CAMTA1: variants seen among roughly 807,000 people sequenced by gnomAD.
CAMTA1 encodes the protein calmodulin binding transcription activator 1, also known as calmodulin-binding transcription activator 1.
CAMTA1 carries 27 observed loss-of-function variants against 170.9 expected under a neutral mutation model. The observed-to-expected ratio is 0.16, with a 90% CI of 0.12 to 0.22. CAMTA1 has a LOEUF of 0.22. Among genes scored for constraint, CAMTA1 ranks in the 10% least tolerant of loss-of-function variants. CAMTA1 has a pLI of 1.00. For missense variants in CAMTA1, 1,619 were observed against 2,217.2 expected, an observed-to-expected ratio of 0.73 and a Z score of 5.42; for synonymous variants, 833 against 891.5, an observed-to-expected ratio of 0.93 and a Z score of 1.17.
At chr1:7,728,598 T>A (rs1434399249) in intron 11 of CAMTA1, among the ~76,000 whole-genome samples, 1 of 152,224 alleles carries the variant, frequency 6.6e-6, no homozygotes, top group Non-Finnish European at 1.5e-5. Context: ...TCAAGTCATT[T>A]CAATGGGATG....
At chr1:7,013,039 TC>T (rs1374269116) in intron 3 of CAMTA1, among the ~76,000 whole-genome samples, 1 of 136,770 alleles carries the variant, frequency 7.3e-6, no homozygotes, top group East Asian at 2.2e-4. Context: ...CATCCCTGAG[TC>T]CCCTCTCTCG....
intron 4 of CAMTA1, among the ~76,000 whole-genome samples, chr1:7,205,545 A>G (rs1177189414): frequency 6.6e-6 from 1 of 152,078 alleles, no homozygotes; most frequent in Middle Eastern, 3.2e-3. Flanking sequence ...ATTTTTATGA[A>G]ATGTCCTTCT....
intron 5 of CAMTA1, among the ~76,000 whole-genome samples, chr1:7,361,715 A>C (rs1243487091): frequency 1.3e-5 from 2 of 152,250 alleles, no homozygotes; most frequent in Non-Finnish European, 2.9e-5. Flanking sequence ...TTTCTTATGC[A>C]AGAGAGGACT....
chr1:7,718,188 GCAGTGGGCGTTCCGTAAACA>G (rs1407287663), intron 11 of CAMTA1, among the ~76,000 whole-genome samples: 60 of 148,808 alleles, frequency 4.0e-4, no homozygotes, highest in Admixed American at 8.0e-4. Context: ...GTCTTAGCCA[GCAGTGGGCGTTCCGTAAACA>G]CAGTGGGCGT....
intron 4 of CAMTA1, among the ~76,000 whole-genome samples, chr1:7,131,778 G>A (rs75628460): frequency 0.017 from 2,563 of 152,104 alleles, 70 homozygotes; most frequent in African/African-American, 0.054. Flanking sequence ...ATTTTGGGCC[G>A]GGCTTGGTGG....
chr1:7,420,671 G>T (rs61616835), intron 5 of CAMTA1, among the ~76,000 whole-genome samples: 1 of 152,078 alleles, frequency 6.6e-6, no homozygotes, highest in Admixed American at 6.6e-5. Flanking sequence ...AAATCCATGC[G>T]TATAACCTCC....
At chr1:7,553,790 G>A (rs7417202) in intron 6 of CAMTA1, among the ~76,000 whole-genome samples, 94,658 of 151,730 alleles carry the variant, frequency 0.62, 30,003 homozygotes, top group South Asian at 0.73. Flanking sequence ...AAAGAGAAGG[G>A]AGGTCGTGCT....
At chr1:7,689,576 CA>C (rs1291808231) in intron 11 of CAMTA1, among the ~76,000 whole-genome samples, 4 of 144,360 alleles carry the variant, frequency 2.8e-5, no homozygotes, top group South Asian at 2.2e-4. Flanking sequence ...GAGACCATCT[CA>C]AAAAAAAAAG....
intron 4 of CAMTA1, among the ~76,000 whole-genome samples, chr1:7,143,532 G>A (rs185710598): frequency 5.3e-5 from 8 of 152,126 alleles, no homozygotes; most frequent in South Asian, 2.1e-4. Flanking sequence ...TTATTCTTTC[G>A]GGCAGTGCAG....
At chr1:7,105,847 G>A (rs1643523576) in intron 4 of CAMTA1, among the ~76,000 whole-genome samples, 1 of 152,008 alleles carries the variant, frequency 6.6e-6, no homozygotes, top group South Asian at 2.1e-4. Flanking sequence ...AGGCTGAAGT[G>A]GGAGGATCAC....
At chr1:7,760,011 C>T (rs1313463576) in intron 22 of CAMTA1, among the ~76,000 whole-genome samples, 1 of 152,188 alleles carries the variant, frequency 6.6e-6, no homozygotes, top group Non-Finnish European at 1.5e-5. Flanking sequence ...GCTTTATAAA[C>T]TGTAACAATC....
rs1272037547 is a variant in CAMTA1, at chr1:7,769,141, A to G, written c.*2650A>G. The G allele has an allele frequency of 6.5e-6, 1 of 152,784 alleles. No homozygotes were observed. Among genetic ancestry groups the G allele is most frequent in the Non-Finnish European group, 1.5e-5 (1 of 68,036 alleles). 9.5% of individuals were successfully genotyped at this position (152,784 alleles called of 1,614,324 possible). On this transcript the variant is annotated 3_prime_UTR_variant, in exon 23 of 23. Transcript: ENST00000303635. ...GGTTTAAAGCCTACCAGTGTAACCTACCAGTACAACTGTGAATCCTAGGCG... is the reference window on the plus strand; with the variant it reads ...GGTTTAAAGCCTACCAGTGTAACCTGCCAGTACAACTGTGAATCCTAGGCG...
chr1:7,595,037 A>G (rs2095388731), intron 6 of CAMTA1, among the ~76,000 whole-genome samples: 1 of 152,240 alleles, frequency 6.6e-6, no homozygotes, highest in Non-Finnish European at 1.5e-5. Flanking sequence ...GGATACCCCA[A>G]CATCTTAGGT....
intron 6 of CAMTA1, among the ~76,000 whole-genome samples, chr1:7,636,269 C>G (rs1426813679): frequency 6.6e-6 from 1 of 152,152 alleles, no homozygotes; most frequent in African/African-American, 2.4e-5. Context: ...TCTGTGAGCC[C>G]TTGAACTGAA....
intron 4 of CAMTA1, among the ~76,000 whole-genome samples, chr1:7,197,500 A>T (rs1655739899): frequency 6.6e-6 from 1 of 151,792 alleles, no homozygotes; most frequent in African/African-American, 2.4e-5. Flanking sequence ...TTTCCTAAAG[A>T]GGTGGGGGCT....
chr1:7,620,929 G>A (rs939334332), intron 6 of CAMTA1, among the ~76,000 whole-genome samples: 1 of 152,226 alleles, frequency 6.6e-6, no homozygotes, highest in Non-Finnish European at 1.5e-5. Context: ...AGAGAAGCAG[G>A]GAGGAGGTGT....
Position 7,579,552 on chromosome 1 carries a change from C to CTTTTTTTTTTTTTTTTTTTTT in CAMTA1, c.511-60843_511-60823dup, listed in dbSNP as rs3034816. On this transcript the variant is annotated intron_variant, in intron 6 of 22. Transcript: ENST00000303635. ...GGTCCACTTTCTTTTCTTTTCTTTT[C>CTTTTTTTTTTTTTTTTTTTTT]TTTTTTTTTTTTTTTTTTTTTTTTT... 1.6e-3 allele frequency among the ~76,000 whole-genome samples: 127 copies of CTTTTTTTTTTTTTTTTTTTTT among 79,190 alleles called. 8 individuals are homozygous for CTTTTTTTTTTTTTTTTTTTTT. The highest frequency in any genetic ancestry group is 4.4e-3 in the African/African-American group (75 of 16,962). The allele number at this position is 79,190 out of a possible 152,430, so 52.0% of individuals were successfully genotyped here.
intron 3 of CAMTA1, among the ~76,000 whole-genome samples, chr1:7,004,598 A>C (rs1463636566): frequency 6.6e-6 from 1 of 152,218 alleles, no homozygotes; most frequent in Admixed American, 6.5e-5. Flanking sequence ...AAATATGCCG[A>C]TCCATGAATG....
At chr1:6,981,903 A>G (rs896070818) in intron 3 of CAMTA1, among the ~76,000 whole-genome samples, 3 of 150,802 alleles carry the variant, frequency 2.0e-5, no homozygotes, top group East Asian at 2.0e-4. Context: ...TAATTTTTAA[A>G]TTGTTTTGTA....
Sources: gnomAD v4.1 joint callset for allele counts (sites outside exome capture counted in the v4.1 genomes callset) on GRCh38, gnomAD v4.1.1 for gene constraint, MANE v1.5 for transcripts, NCBI Gene and HGNC (gene_info 2026-07-23, HGNC 2026-07-21) for gene names.